PITPNM2: variants seen among roughly 807,000 people sequenced by gnomAD.
PITPNM2 encodes the protein phosphatidylinositol transfer protein membrane associated 2.
Under a neutral mutation model 132.2 loss-of-function variants are expected in PITPNM2, and 35 were observed. That is an observed-to-expected ratio of 0.26 (90% confidence interval 0.20 to 0.35). PITPNM2 has a LOEUF of 0.35. Ranked by LOEUF, PITPNM2 falls within the 10% of genes least tolerant of loss-of-function variation. The pLI, the probability that PITPNM2 is intolerant of heterozygous loss-of-function variation, is 1.00. For synonymous variants in PITPNM2, 738 were observed against 799.2 expected (o/e 0.92, Z 1.29); for missense variants, 1,332 against 1,912.0 (o/e 0.70, Z 5.66).
At chr12:123,024,262 GAC>G (rs1416453328) in intron 3 of PITPNM2, among the ~76,000 whole-genome samples, 3 of 152,188 alleles carry the variant, frequency 2.0e-5, no homozygotes, top group Non-Finnish European at 2.9e-5. Context: ...CGGTTAAAAA[GAC>G]ACACAGCAGC....
At chr12:123,025,409 G>A (rs946429837) in intron 3 of PITPNM2, among the ~76,000 whole-genome samples, 1 of 151,742 alleles carries the variant, frequency 6.6e-6, no homozygotes, top group Admixed American at 6.6e-5. Flanking sequence ...CTCTTTAAAA[G>A]AGCTCCTGGA....
intron 13 of PITPNM2, among the ~76,000 whole-genome samples, 200 bp downstream of exon 13, chr12:122,996,257 GT>G (rs2038420649): frequency 6.6e-6 from 1 of 152,234 alleles, no homozygotes; most frequent in Non-Finnish European, 1.5e-5. Context: ...AGGGTTGGGG[GT>G]CAGGGGCTTG....
At chr12:123,051,909 CTTT>C (rs59131741) in intron 2 of PITPNM2, among the ~76,000 whole-genome samples, 2 of 143,572 alleles carry the variant, frequency 1.4e-5, no homozygotes, top group Non-Finnish European at 1.5e-5. Context: ...CCATTCTATT[CTTT>C]TTTTTTTTTT....
intron 2 of PITPNM2, among the ~76,000 whole-genome samples, chr12:123,037,230 G>A (rs772321152): frequency 1.0e-4 from 16 of 152,392 alleles, no homozygotes; most frequent in South Asian, 1.0e-3. Context: ...AGCTGGCTGG[G>A]AGGGTAGCAC....
At chr12:123,113,280 C>T (rs868169321) in intron 1 of PITPNM2, among the ~76,000 whole-genome samples, 12 of 152,322 alleles carry the variant, frequency 7.9e-5, no homozygotes, top group African/African-American at 2.2e-4. Context: ...GAGACCCATA[C>T]GTATGGTAGG....
At position 123,104,356 on chromosome 12, in the gene PITPNM2, C is replaced by T. The variant is rs556786461; in HGVS notation, c.-96+6029G>A. Among the ~76,000 whole-genome samples, 31 of 152,352 alleles carry T rather than the reference C, an allele frequency of 2.0e-4. No homozygotes were observed. The South Asian group carries it at 2.9e-3, about 14-fold the overall frequency. On this transcript the variant is annotated intron_variant, in intron 2 of 25. Transcript: ENST00000320201. ...GCATCCCCTGTGACTTGCACCTATA[C>T]GCCCAGACGGCCTGAAGTAACTGAA... is the stretch of plus-strand genomic sequence containing the variant.
chr12:123,029,639 GTA>G (rs1291077997), intron 3 of PITPNM2, among the ~76,000 whole-genome samples: 1 of 65,970 alleles, frequency 1.5e-5, no homozygotes, highest in Non-Finnish European at 3.6e-5. Context: ...GTCTTGTGGT[GTA>G]TGTGTGTGTG....
chr12:123,027,625 T>C (rs1367043941), intron 3 of PITPNM2, among the ~76,000 whole-genome samples: 1 of 152,234 alleles, frequency 6.6e-6, no homozygotes, highest in Non-Finnish European at 1.5e-5. Flanking sequence ...TCTGATCATT[T>C]GCTGGACACT....
chr12:122,989,927 T>C lies in PITPNM2; in HGVS notation c.2591A>G (p.His864Arg). 1 of 1,314,754 alleles carries C rather than the reference T, an allele frequency of 7.6e-7. No homozygotes were observed. Among genetic ancestry groups the C allele is most frequent in the Non-Finnish European group, 9.7e-7 (1 of 1,027,748 alleles). The allele number at this position is 1,314,754 out of a possible 1,614,324, so 81.4% of individuals were successfully genotyped here. ...GGACAGACGCCTGACGCTGGGGGTA[T>C]GGCTGAGCGCATCGGGGGCCTCTGA... is the stretch of plus-strand genomic sequence containing the variant. ...IAQKAPDALS[H>R]TPSVRRLSLL... Residue 864 changes from histidine to arginine, a missense_variant, in exon 18 of 26, where the codon CAT (histidine) becomes CGT (arginine). His to Arg is a conservative substitution (Grantham distance 29). This residue lies in a region of PITPNM2 where 710 missense variants were observed against 911.5 expected (regional missense o/e 0.78). Coordinates refer to ENST00000320201, the MANE Select transcript of PITPNM2 (RefSeq NM_020845.3).
At chr12:123,142,754 T>TGTTC (rs1203977423) in intron 1 of PITPNM2, among the ~76,000 whole-genome samples, 1 of 152,192 alleles carries the variant, frequency 6.6e-6, no homozygotes, top group Non-Finnish European at 1.5e-5. Context: ...GCTGATTGAA[T>TGTTC]GTTCCCCCTG....
chr12:123,115,548 C>G (rs2042920674), intron 1 of PITPNM2, among the ~76,000 whole-genome samples: 1 of 152,038 alleles, frequency 6.6e-6, no homozygotes, highest in South Asian at 2.1e-4. Context: ...CCCGCACACA[C>G]ACACGCACAC....
At chr12:123,056,606 G>A (rs1187048684) in intron 2 of PITPNM2, among the ~76,000 whole-genome samples, 2 of 152,226 alleles carry the variant, frequency 1.3e-5, no homozygotes, top group South Asian at 2.1e-4. Flanking sequence ...AAGAGGGAAA[G>A]AGCTGAGCTG....
chr12:123,103,952 C>T (rs993713630), intron 2 of PITPNM2, among the ~76,000 whole-genome samples: 7 of 151,884 alleles, frequency 4.6e-5, no homozygotes, highest in Non-Finnish European at 5.9e-5. Flanking sequence ...ACTCTTGTTG[C>T]GCAGGCTGGA....
At chr12:123,072,260 G>C (rs1228671612) in intron 2 of PITPNM2, among the ~76,000 whole-genome samples, 1 of 152,196 alleles carries the variant, frequency 6.6e-6, no homozygotes, top group Admixed American at 6.5e-5. Context: ...GGAAACTGAG[G>C]CTCCGAGAGG....
At chr12:123,140,960 A>AG (rs1184581911) in intron 1 of PITPNM2, among the ~76,000 whole-genome samples, 1 of 152,038 alleles carries the variant, frequency 6.6e-6, no homozygotes, top group Admixed American at 6.6e-5. Context: ...AAAAAAGAAA[A>AG]GGGAAAAAAA....
intron 1 of PITPNM2, among the ~76,000 whole-genome samples, chr12:123,146,561 T>C (rs1446036261): frequency 6.6e-6 from 1 of 151,838 alleles, no homozygotes; most frequent in Non-Finnish European, 1.5e-5. Context: ...ATCATTGCAC[T>C]GCAGCCTGGG....
At chr12:123,116,680 TGAGGAG>T (rs1309332986) in intron 1 of PITPNM2, among the ~76,000 whole-genome samples, 1 of 128,502 alleles carries the variant, frequency 7.8e-6, no homozygotes, top group Non-Finnish European at 1.6e-5. Context: ...AGGAGAGGAG[TGAGGAG>T]AATGAAGTGG....
chr12:123,133,281 C>G (rs2043305697), intron 1 of PITPNM2, among the ~76,000 whole-genome samples: 1 of 152,218 alleles, frequency 6.6e-6, no homozygotes. Flanking sequence ...CCAGATATGG[C>G]TCCATGGCAA....
At chr12:123,040,642 C>T (rs2040432468) in intron 2 of PITPNM2, among the ~76,000 whole-genome samples, 1 of 151,808 alleles carries the variant, frequency 6.6e-6, no homozygotes, top group Admixed American at 6.6e-5. Context: ...ATTCAAATAA[C>T]ATTAAATTTA....
Sources: gnomAD v4.1 joint callset for allele counts (sites outside exome capture counted in the v4.1 genomes callset) on GRCh38, gnomAD v4.1.1 for gene constraint, gnomAD v4.1.1 regional missense constraint, MANE v1.5 for transcripts, NCBI Gene and HGNC (gene_info 2026-07-23, HGNC 2026-07-21) for gene names.